The following CEP83 variants were observed in gnomAD, a reference collection of about 807,000 sequenced individuals.
The protein encoded by CEP83 is centrosomal protein 83, also known as centrosomal protein of 83 kDa.
A neutral mutation model predicts 101.9 loss-of-function variants in CEP83; 70 were observed. The ratio of observed to expected loss-of-function variants is 0.69; its 90% confidence interval spans 0.57 to 0.84. The LOEUF (loss-of-function observed/expected upper bound fraction) is 0.84. Among genes scored for constraint, CEP83 ranks in the 40% least tolerant of loss-of-function variants. CEP83 has a pLI of 0.00. For synonymous variants in CEP83, 264 were observed against 267.9 expected, an observed-to-expected ratio of 0.99 and a Z score of 0.14; for missense variants, 715 against 787.2, an observed-to-expected ratio of 0.91 and a Z score of 1.10.
At chr12:94,342,552 T>C (rs2059728785) in intron 11 of CEP83, among the ~76,000 whole-genome samples, 1 of 152,210 alleles carries the variant, frequency 6.6e-6, no homozygotes, top group South Asian at 2.1e-4. Context: ...CCTGCACATC[T>C]TTGCAGGCAA....
intron 14 of CEP83, among the ~76,000 whole-genome samples, chr12:94,320,057 G>T (rs1419448456): frequency 3.3e-5 from 5 of 152,156 alleles, no homozygotes; most frequent in Admixed American, 2.6e-4. Context: ...ATATATTTAG[G>T]ATAGTTACGT....
chr12:94,406,676 C>A (rs2063555835), intron 4 of CEP83, among the ~76,000 whole-genome samples: 1 of 152,118 alleles, frequency 6.6e-6, no homozygotes, highest in Non-Finnish European at 1.5e-5. Context: ...AATCCCAGCA[C>A]TTTGGGAGGC....
chr12:94,452,089 CAA>C (rs1296429653), intron 1 of CEP83, among the ~76,000 whole-genome samples: 1 of 152,146 alleles, frequency 6.6e-6, no homozygotes, highest in African/African-American at 2.4e-5. Context: ...AAGCCAGATG[CAA>C]AAGACTACTG....
Position 94,362,441 on chromosome 12 carries a change from G to A in CEP83, c.1343+5353C>T, listed in dbSNP as rs144530178. On this transcript the variant is annotated intron_variant, in intron 11 of 16. Transcript: ENST00000397809. ...TGGAGACCAGCCTGGCCAACACAGT[G>A]AAACCCCGTCTCTACTAAAAATAAC... 5.3e-3 allele frequency among the ~76,000 whole-genome samples: 804 copies of A among 152,252 alleles called. 5 individuals are homozygous for A. The highest frequency in any genetic ancestry group is 0.019 in the African/African-American group (777 of 41,546).
At chr12:94,301,766 T>C (rs1249227120), downstream of CEP83, among the ~76,000 whole-genome samples, 1 of 152,192 alleles carries the variant, frequency 6.6e-6, no homozygotes, top group Non-Finnish European at 1.5e-5. Context: ...AGTCATAATC[T>C]AAACTCTTTA....
chr12:94,304,824 G>GTCCC (rs1968836749), downstream of CEP83, among the ~76,000 whole-genome samples: 1 of 152,202 alleles, frequency 6.6e-6, no homozygotes, highest in South Asian at 2.1e-4. Context: ...TGACCAGGAT[G>GTCCC]TCCCTGCCTG....
At chr12:94,453,052 C>T (rs2067374182) in intron 1 of CEP83, among the ~76,000 whole-genome samples, 1 of 152,170 alleles carries the variant, frequency 6.6e-6, no homozygotes, top group Non-Finnish European at 1.5e-5. Flanking sequence ...TATAGGACTA[C>T]ACACTCAATG....
At chr12:94,436,910 G>A (rs2066033321) in intron 1 of CEP83, among the ~76,000 whole-genome samples, 1 of 151,412 alleles carries the variant, frequency 6.6e-6, no homozygotes, top group African/African-American at 2.4e-5. Flanking sequence ...AAGCCTCCAA[G>A]AAACTTGGGA....
At chr12:94,394,514 T>C (rs1017520595) in intron 6 of CEP83, among the ~76,000 whole-genome samples, 1 of 152,084 alleles carries the variant, frequency 6.6e-6, no homozygotes, top group African/African-American at 2.4e-5. Flanking sequence ...CCTAAAACCA[T>C]AAAAACCCTA....
At chr12:94,412,982 A>G (rs1245402667) in intron 2 of CEP83, among the ~76,000 whole-genome samples, 2 of 152,022 alleles carry the variant, frequency 1.3e-5, no homozygotes, top group Non-Finnish European at 2.9e-5. Flanking sequence ...CCTCCCGAGT[A>G]GCTGGGACTA....
intron 1 of CEP83, among the ~76,000 whole-genome samples, chr12:94,454,929 C>A (rs1254487622): frequency 2.0e-5 from 3 of 152,194 alleles, no homozygotes; most frequent in Non-Finnish European, 4.4e-5. Context: ...GTAGCACTCA[C>A]TGCAAAAGTC....
intron 11 of CEP83, among the ~76,000 whole-genome samples, chr12:94,349,152 G>C (rs763618570): frequency 6.6e-6 from 1 of 151,950 alleles, no homozygotes; most frequent in Non-Finnish European, 1.5e-5. Context: ...TAGGTGTGGT[G>C]GTGGGTGCCT....
the CEP83 span, among the ~76,000 whole-genome samples, chr12:94,276,432 T>G: frequency 5.9e-5 from 9 of 151,600 alleles, no homozygotes; most frequent in African/African-American, 1.7e-4. Context: ...AAGCCAGGGT[T>G]TCTGGAGGGT....
intron 11 of CEP83, among the ~76,000 whole-genome samples, chr12:94,355,765 G>A (rs998330794): frequency 6.6e-6 from 1 of 152,224 alleles, no homozygotes; most frequent in Non-Finnish European, 1.5e-5. Context: ...CCGCTTAAAA[G>A]CATTCTTAAG....
chr12:94,306,406 T>C (rs1307124678), downstream of CEP83: 1 of 152,230 alleles, frequency 6.6e-6, no homozygotes, highest in Non-Finnish European at 1.5e-5. Context: ...AAAATACCCA[T>C]TTTATTCATG....
chr12:94,379,799 G>A (rs766235711), intron 6 of CEP83, among the ~76,000 whole-genome samples: 2 of 152,006 alleles, frequency 1.3e-5, no homozygotes, highest in Non-Finnish European at 2.9e-5. Context: ...CCAGGGGCAA[G>A]CAATCAGGGT....
intron 13 of CEP83, 82 bp from the exon 14 acceptor site, chr12:94,331,911 T>C (rs2059242386): frequency 8.0e-7 from 1 of 1,254,338 alleles, no homozygotes; most frequent in Admixed American, 1.8e-5. Context: ...ATAAGCAAAC[T>C]CACTACCTGT....
At chr12:94,303,274 G>A (rs1968653370), downstream of CEP83, among the ~76,000 whole-genome samples, 1 of 152,074 alleles carries the variant, frequency 6.6e-6, no homozygotes, top group African/African-American at 2.4e-5. Context: ...GGGACAAGCT[G>A]GAAAATCTGC....
chr12:94,320,382 A>G (rs2058697197), intron 14 of CEP83, among the ~76,000 whole-genome samples: 3 of 152,022 alleles, frequency 2.0e-5, no homozygotes, highest in Non-Finnish European at 4.4e-5. Context: ...TGATCCTGTC[A>G]TTGTGTTGTT....
Sources: allele counts gnomAD v4.1 joint callset (sites outside exome capture counted in the v4.1 genomes callset), GRCh38; gene constraint gnomAD v4.1.1; transcripts MANE v1.5; gene names NCBI Gene and HGNC (gene_info 2026-07-23, HGNC 2026-07-21).